The following SRPK2 variants were observed in gnomAD, a reference collection of about 807,000 sequenced individuals.
SRPK2 encodes SRSF protein kinase 2.
A neutral mutation model predicts 90.8 loss-of-function variants in SRPK2; 21 were observed. The observed-to-expected ratio is 0.23, with a 90% CI of 0.16 to 0.33. The LOEUF (loss-of-function observed/expected upper bound fraction) is 0.33, where lower values mean the gene tolerates loss of function less well. Ranked by LOEUF, SRPK2 falls within the 10% of genes least tolerant of loss-of-function variation. The pLI is 1.00. For synonymous variants in SRPK2, 288 were observed against 311.1 expected, an observed-to-expected ratio of 0.93 and a Z score of 0.78; for missense variants, 620 against 869.0, an observed-to-expected ratio of 0.71 and a Z score of 3.60.
intron 11 of SRPK2, among the ~76,000 whole-genome samples, chr7:105,133,460 G>A (rs1043362384): frequency 6.6e-6 from 1 of 151,978 alleles, no homozygotes; most frequent in African/African-American, 2.4e-5. Flanking sequence ...ATCCCTTCAC[G>A]GCCCAGATCG....
intron 3 of SRPK2, among the ~76,000 whole-genome samples, chr7:105,183,621 G>A (rs1406180345): frequency 6.6e-6 from 1 of 152,072 alleles, no homozygotes; most frequent in Non-Finnish European, 1.5e-5. Context: ...AGAGTAGCTA[G>A]GAGTACAGGC....
intron 2 of SRPK2, among the ~76,000 whole-genome samples, chr7:105,367,948 ATGT>A (rs1014863908): frequency 2.7e-4 from 41 of 152,334 alleles, no homozygotes; most frequent in African/African-American, 9.1e-4. Context: ...GGACAAACAC[ATGT>A]TGTTGATAGC....
upstream of SRPK2, among the ~76,000 whole-genome samples, chr7:105,391,620 A>T (rs1586038106): frequency 6.6e-6 from 1 of 152,132 alleles, no homozygotes; most frequent in South Asian, 2.1e-4. Context: ...GGCTGCAGTG[A>T]ACTATGATCG....
At chr7:105,159,881 T>C (rs1486015466) in intron 7 of SRPK2, among the ~76,000 whole-genome samples, 1 of 152,218 alleles carries the variant, frequency 6.6e-6, no homozygotes, top group Non-Finnish European at 1.5e-5. Context: ...AGTGTACATG[T>C]CTTGAAATAT....
intron 2 of SRPK2, among the ~76,000 whole-genome samples, chr7:105,224,114 A>G (rs1798425844): frequency 6.6e-6 from 1 of 152,244 alleles, no homozygotes; most frequent in African/African-American, 2.4e-5. Context: ...TGCTGAATTT[A>G]CAGATTTTTA....
At chr7:105,350,175 G>C (rs1196114519) in intron 2 of SRPK2, among the ~76,000 whole-genome samples, 1 of 138,976 alleles carries the variant, frequency 7.2e-6, no homozygotes, top group East Asian at 2.1e-4. Flanking sequence ...CTGTCACCCA[G>C]ACTGGAGTAC....
intron 2 of SRPK2, among the ~76,000 whole-genome samples, chr7:105,386,717 C>CAAA (rs1563321021): frequency 2.0e-5 from 3 of 151,934 alleles, no homozygotes. Context: ...AACTCTGCCT[C>CAAA]AAAAAAATTA....
At chr7:105,335,098 G>C (rs575943894) in intron 2 of SRPK2, among the ~76,000 whole-genome samples, 64 of 152,252 alleles carry the variant, frequency 4.2e-4, no homozygotes, top group Non-Finnish European at 8.7e-4. Context: ...TTGAACCCAG[G>C]AGGCAGAGGC....
At chr7:105,205,372 T>C (rs1222866263) in intron 2 of SRPK2, among the ~76,000 whole-genome samples, 3 of 152,138 alleles carry the variant, frequency 2.0e-5, no homozygotes, top group Admixed American at 6.5e-5. Context: ...TGATTGCTGC[T>C]TTCTGGAATT....
At chr7:105,135,900 G>A (rs1391012159) in intron 11 of SRPK2, among the ~76,000 whole-genome samples, 1 of 152,012 alleles carries the variant, frequency 6.6e-6, no homozygotes, top group Non-Finnish European at 1.5e-5. Flanking sequence ...GAGTAGCTGG[G>A]ATTACAGGCG....
At position 105,365,341 on chromosome 7, in the gene SRPK2, C is replaced by G. The variant is rs529056589; in HGVS notation, c.71+23307G>C. Reference sequence around the variant, plus strand: ...CTCTACTAAAAATACAAAAAATTAGCCAGGTGTGGTGGCGGGTGCCTGTAA... The same window carrying G: ...CTCTACTAAAAATACAAAAAATTAGGCAGGTGTGGTGGCGGGTGCCTGTAA... On this transcript the variant is annotated intron_variant, in intron 2 of 15. Transcript: ENST00000393651. Among the ~76,000 whole-genome samples the G allele has an allele frequency of 5.9e-5, 9 of 151,796 alleles. No individual in the cohort carries two copies. The South Asian group carries it at 1.7e-3, about 28-fold the overall frequency.
intron 2 of SRPK2, chr7:105,306,756 A>C: frequency 5.1e-6 from 1 of 195,828 alleles, no homozygotes; most frequent in South Asian, 8.1e-5. Flanking sequence ...ACTTTTAAAA[A>C]GAAAATGTCA....
At position 105,226,258 on chromosome 7, in the gene SRPK2, TA is replaced by T. The variant is rs779632697; in HGVS notation, c.72-22474del. 2.6e-5 allele frequency among the ~76,000 whole-genome samples: 4 copies of T among 151,684 alleles called. No homozygotes were observed. The East Asian group carries it at 7.7e-4, about 29-fold the overall frequency. ...ATATATTTTGCTTGATTTTTTTTTTTAAAAAACGCACTATATATGTGCTCAA... is the reference window on the plus strand; with the variant it reads ...ATATATTTTGCTTGATTTTTTTTTTTAAAAACGCACTATATATGTGCTCAA... On this transcript the variant is annotated intron_variant, in intron 2 of 15. Coordinates refer to ENST00000393651, the MANE Select transcript of SRPK2 (RefSeq NM_182692.3).
At chr7:105,392,875 T>G (rs1443732564), upstream of SRPK2, among the ~76,000 whole-genome samples, 1 of 150,610 alleles carries the variant, frequency 6.6e-6, no homozygotes, top group Non-Finnish European at 1.5e-5. Context: ...TGCAGTGGTG[T>G]GATCTCCGCT....
intron 2 of SRPK2, among the ~76,000 whole-genome samples, chr7:105,318,470 C>T (rs973953399): frequency 3.9e-5 from 6 of 152,172 alleles, no homozygotes; most frequent in African/African-American, 1.4e-4. Flanking sequence ...AAAGCAAGTA[C>T]CAATTGATAT....
chr7:105,137,345 G>C (rs974866556), intron 11 of SRPK2, among the ~76,000 whole-genome samples: 1 of 152,286 alleles, frequency 6.6e-6, no homozygotes, highest in East Asian at 1.9e-4. Context: ...TACTCTACAT[G>C]GGAAACACAA....
chr7:105,215,485 G>A (rs1181715974), intron 2 of SRPK2, among the ~76,000 whole-genome samples: 1 of 152,116 alleles, frequency 6.6e-6, no homozygotes, highest in African/African-American at 2.4e-5. Flanking sequence ...TCCACTCCTG[G>A]CATATACTCT....
intron 2 of SRPK2, among the ~76,000 whole-genome samples, chr7:105,247,503 T>C (rs982175619): frequency 8.3e-5 from 9 of 108,544 alleles, no homozygotes; most frequent in South Asian, 3.0e-4. Flanking sequence ...CGGAGTGCCA[T>C]ACATACCAAA....
chr7:105,344,376 T>C (rs1001328194), intron 2 of SRPK2, among the ~76,000 whole-genome samples: 17 of 149,380 alleles, frequency 1.1e-4, no homozygotes, highest in Non-Finnish European at 1.8e-4. Flanking sequence ...GCCTCCCAAG[T>C]AGCTAGGACC....
Sources: allele counts gnomAD v4.1 joint callset (sites outside exome capture counted in the v4.1 genomes callset), GRCh38; gene constraint gnomAD v4.1.1; transcripts MANE v1.5; gene names NCBI Gene and HGNC (gene_info 2026-07-23, HGNC 2026-07-21).